SH3GL2: variants seen among roughly 807,000 people sequenced by gnomAD.
SH3GL2 encodes SH3 domain containing GRB2 like 2, endophilin A1, also known as endophilin-A1.
SH3GL2 carries 24 observed loss-of-function variants against 46.0 expected under a neutral mutation model. That is an observed-to-expected ratio of 0.52 (90% CI 0.38 to 0.73). The LOEUF is 0.73. Ranked by LOEUF, SH3GL2 falls within the 30% of genes least tolerant of loss-of-function variation. The pLI is 0.00. For missense variants in SH3GL2, 413 were observed against 424.2 expected, an observed-to-expected ratio of 0.97 and a Z score of 0.23; for synonymous variants, 196 against 147.1, an observed-to-expected ratio of 1.33 and a Z score of -2.40.
intron 1 of SH3GL2, among the ~76,000 whole-genome samples, chr9:17,623,690 C>T (rs1819210518): frequency 6.9e-6 from 1 of 144,150 alleles, no homozygotes; most frequent in South Asian, 2.3e-4. Context: ...ATATTTAACC[C>T]TATTTATAAT....
At chr9:17,779,443 T>C (rs1823736843) in intron 3 of SH3GL2, among the ~76,000 whole-genome samples, 1 of 152,138 alleles carries the variant, frequency 6.6e-6, no homozygotes, top group African/African-American at 2.4e-5. Context: ...TTAGTAACTA[T>C]GAGAGCTCGG....
intron 1 of SH3GL2, among the ~76,000 whole-genome samples, chr9:17,638,414 A>G (rs1226675771): frequency 6.6e-6 from 1 of 152,224 alleles, no homozygotes; most frequent in Non-Finnish European, 1.5e-5. Flanking sequence ...ATCTACCTGT[A>G]TCTTACTTAC....
chr9:17,781,659 A>G (rs1399436248), intron 3 of SH3GL2, among the ~76,000 whole-genome samples: 1 of 152,092 alleles, frequency 6.6e-6, no homozygotes, highest in Non-Finnish European at 1.5e-5. Flanking sequence ...TTTTCTACCA[A>G]TTTATCCTCC....
In SH3GL2 at chr9:17,610,356, C is replaced by T. The variant is rs149993369; in HGVS notation, c.45+31069C>T. On this transcript the variant is annotated intron_variant, in intron 1 of 8. Coordinates refer to ENST00000380607, the MANE Select transcript of SH3GL2 (RefSeq NM_003026.5). ...AGATCCTCTTTATGTATTCAGTGAA[C>T]ACTATGTTCTGTCTAACAGGCACCT... Among the ~76,000 whole-genome samples, 640 of 152,226 alleles carry T rather than the reference C, an allele frequency of 4.2e-3. 7 individuals carry two copies. Among genetic ancestry groups the T allele is most frequent in the African/African-American group, 0.015 (612 of 41,524 alleles).
At chr9:17,625,232 G>A (rs1798411976) in intron 1 of SH3GL2, among the ~76,000 whole-genome samples, 1 of 152,168 alleles carries the variant, frequency 6.6e-6, no homozygotes, top group African/African-American at 2.4e-5. Context: ...GGTGGTGAGT[G>A]GATGGTATTC....
chr9:17,689,869 T>C (rs1269190539), intron 1 of SH3GL2, among the ~76,000 whole-genome samples: 1 of 152,168 alleles, frequency 6.6e-6, no homozygotes, highest in African/African-American at 2.4e-5. Context: ...TTATTTTAAC[T>C]TCTTATCCCA....
At chr9:17,604,824 G>A (rs2087028626) in intron 1 of SH3GL2, among the ~76,000 whole-genome samples, 1 of 152,172 alleles carries the variant, frequency 6.6e-6, no homozygotes, top group African/African-American at 2.4e-5. Context: ...GGGTGGAGGT[G>A]TGTTCTTCTA....
intron 1 of SH3GL2, among the ~76,000 whole-genome samples, chr9:17,730,478 A>G (rs1822147585): frequency 6.6e-6 from 1 of 152,104 alleles, no homozygotes; most frequent in South Asian, 2.1e-4. Flanking sequence ...TGTCTTGGCC[A>G]GCACTTCCAA....
At chr9:17,789,627 A>T in intron 6 of SH3GL2, 77 bp downstream of exon 6, 1 of 1,586,530 alleles carries the variant, frequency 6.3e-7, no homozygotes, top group South Asian at 1.1e-5. Flanking sequence ...CATAACCCTT[A>T]AAAGCATTAA....
chr9:17,713,668 CT>C, intron 1 of SH3GL2, among the ~76,000 whole-genome samples: 1 of 151,596 alleles, frequency 6.6e-6, no homozygotes, highest in Non-Finnish European at 1.5e-5. Context: ...GCATTATTAA[CT>C]TTATAAATAT....
At chr9:17,705,350 T>C (rs7868162) in intron 1 of SH3GL2, among the ~76,000 whole-genome samples, 6,002 of 152,066 alleles carry the variant, frequency 0.039, 432 homozygotes, top group African/African-American at 0.14. Flanking sequence ...CTTAAAGAAC[T>C]TCAAACGGAA....
intron 1 of SH3GL2, among the ~76,000 whole-genome samples, chr9:17,618,518 C>T (rs1254234958): frequency 2.0e-5 from 3 of 152,126 alleles, no homozygotes; most frequent in African/African-American, 2.4e-5. Flanking sequence ...GAAAATGTGA[C>T]GTTTCTTCAT....
intron 3 of SH3GL2, among the ~76,000 whole-genome samples, chr9:17,776,945 C>G (rs140391721): frequency 8.7e-4 from 132 of 152,286 alleles, no homozygotes; most frequent in African/African-American, 3.0e-3. Context: ...TGGCCTAACT[C>G]CAGCACACCA....
rs573634855 is a variant in SH3GL2 at position 17,741,494 on chromosome 9, C to T, written c.46-5572C>T. 7.2e-5 allele frequency among the ~76,000 whole-genome samples: 11 copies of T among 152,240 alleles called. No homozygotes were observed. In the South Asian group the frequency reaches 2.1e-3, roughly 29 times the overall value. On this transcript the variant is annotated intron_variant, in intron 1 of 8. Transcript: ENST00000380607. ...CCTTGGCTGTAAGTAAAATGTAATA[C>T]ATCACACAGTTTGTTGAATTTTCTT... is the stretch of plus-strand genomic sequence containing the variant.
intron 1 of SH3GL2, among the ~76,000 whole-genome samples, chr9:17,655,400 A>T (rs942901734): frequency 8.5e-5 from 13 of 152,192 alleles, no homozygotes; most frequent in African/African-American, 3.1e-4. Flanking sequence ...CCCCCTGCTC[A>T]TATAGCTTGG....
At chr9:17,665,944 G>C (rs1166788837) in intron 1 of SH3GL2, among the ~76,000 whole-genome samples, 3 of 150,014 alleles carry the variant, frequency 2.0e-5, no homozygotes, top group African/African-American at 7.4e-5. Flanking sequence ...TTCAATTTCA[G>C]TCTAGTACCA....
At chr9:17,765,831 C>T (rs533340562) in intron 3 of SH3GL2, among the ~76,000 whole-genome samples, 2 of 152,266 alleles carry the variant, frequency 1.3e-5, no homozygotes, top group East Asian at 3.9e-4. Context: ...CTGTCTTATT[C>T]ACCACCACAT....
Position 17,796,077 on chromosome 9 carries a change from A to G in SH3GL2, c.*334A>G, listed in dbSNP as rs1454495889. 3.9e-6 allele frequency: 1 copy of G among 253,266 alleles called. No individual in the cohort carries two copies. Among genetic ancestry groups the G allele is most frequent in the Non-Finnish European group, 7.6e-6 (1 of 130,748 alleles). 15.7% of individuals were successfully genotyped at this position (253,266 alleles called of 1,614,324 possible). A position where few individuals can be genotyped will look rare whatever the true frequency, so the allele number is the denominator to read the frequency against. On this transcript the variant is annotated 3_prime_UTR_variant, in exon 9 of 9. Coordinates refer to ENST00000380607, the MANE Select transcript of SH3GL2 (RefSeq NM_003026.5). ...TCACAGAAAAACCATCCCACCGAAG[A>G]TATTGTCTATCACCCCAGGGGCCAT...
chr9:17,724,190 T>C (rs1821964930), intron 1 of SH3GL2, among the ~76,000 whole-genome samples: 1 of 152,130 alleles, frequency 6.6e-6, no homozygotes, highest in African/African-American at 2.4e-5. Flanking sequence ...CTCTCTGTTC[T>C]TTGGATCATC....
Sources: allele counts gnomAD v4.1 joint callset (sites outside exome capture counted in the v4.1 genomes callset), GRCh38; gene constraint gnomAD v4.1.1; transcripts MANE v1.5; gene names NCBI Gene and HGNC (gene_info 2026-07-23, HGNC 2026-07-21).